GAB2: variants seen among roughly 807,000 people sequenced by gnomAD.
The protein encoded by GAB2 is GRB2 associated binding protein 2, also known as GRB2-associated-binding protein 2.
GAB2 carries 26 observed loss-of-function variants against 65.5 expected under a neutral mutation model. The observed-to-expected ratio is 0.40, with a 90% CI of 0.29 to 0.55. GAB2 has a LOEUF of 0.55. GAB2 is among the 20% of genes least tolerant of loss of function. GAB2 has a pLI of 0.53. For missense variants in GAB2, 884 were observed against 875.8 expected (o/e 1.01, Z -0.12); for synonymous variants, 321 against 329.6 (o/e 0.97, Z 0.28).
intron 1 of GAB2, among the ~76,000 whole-genome samples, chr11:78,388,834 G>A (rs898708579): frequency 3.9e-5 from 6 of 152,194 alleles, no homozygotes; most frequent in African/African-American, 1.4e-4. Flanking sequence ...GAAAGAGACT[G>A]AGAACTAGAG....
At chr11:78,406,968 T>C (rs1591093542) in intron 1 of GAB2, among the ~76,000 whole-genome samples, 1 of 152,020 alleles carries the variant, frequency 6.6e-6, no homozygotes, top group Non-Finnish European at 1.5e-5. Flanking sequence ...AGTTCATCAG[T>C]GAGTTCAATG....
At chr11:78,295,648 T>C (rs926442072) in intron 1 of GAB2, among the ~76,000 whole-genome samples, 2 of 152,134 alleles carry the variant, frequency 1.3e-5, no homozygotes, top group Non-Finnish European at 2.9e-5. Flanking sequence ...GCACAGTTCA[T>C]GTAGGTGTTC....
At chr11:78,271,362 T>C (rs1183867865) in intron 2 of GAB2, among the ~76,000 whole-genome samples, 8 of 152,242 alleles carry the variant, frequency 5.3e-5, no homozygotes, top group Admixed American at 3.9e-4. Context: ...AAATCCCACA[T>C]ATATGATATA....
chr11:78,291,555 CTT>C (rs796161663), intron 1 of GAB2, among the ~76,000 whole-genome samples: 1 of 55,046 alleles, frequency 1.8e-5, no homozygotes, highest in Non-Finnish European at 3.5e-5. Flanking sequence ...TTACTTTTTT[CTT>C]TTTCTTTTTT....
chr11:78,372,502 C>T (rs1454703856), intron 1 of GAB2, among the ~76,000 whole-genome samples: 1 of 152,272 alleles, frequency 6.6e-6, no homozygotes, highest in African/African-American at 2.4e-5. Context: ...ACTTATCTTT[C>T]AGGAAAAACC....
At chr11:78,316,441 A>G (rs2134653469) in intron 1 of GAB2, among the ~76,000 whole-genome samples, 1 of 152,328 alleles carries the variant, frequency 6.6e-6, no homozygotes, top group Admixed American at 6.5e-5. Flanking sequence ...AAAGAACTAC[A>G]ATAACAACAA....
intron 2 of GAB2, among the ~76,000 whole-genome samples, chr11:78,272,516 C>G (rs1160414417): frequency 6.6e-6 from 1 of 152,110 alleles, no homozygotes; most frequent in East Asian, 1.9e-4. Context: ...AGAGATGATT[C>G]AGGGCATCTG....
intron 1 of GAB2, among the ~76,000 whole-genome samples, chr11:78,339,053 A>C (rs118048230): frequency 0.013 from 2,038 of 152,078 alleles, 16 homozygotes; most frequent in Non-Finnish European, 0.022. Context: ...CTCCCGAGTA[A>C]CTGGGATTAT....
rs536585807 is a variant in GAB2, at chr11:78,228,285, CT to C, written c.621-1235del. On this transcript the variant is annotated intron_variant, in intron 3 of 9. Coordinates refer to ENST00000361507, the MANE Select transcript of GAB2 (RefSeq NM_080491.3). ...GTTCTGAGCAAGCAGGGATTTAGGT[CT>C]GCTTCTTTAGCTTGTGTATGATTCT... is the stretch of plus-strand genomic sequence containing the variant. 9.2e-5 allele frequency among the ~76,000 whole-genome samples: 14 copies of C among 152,332 alleles called. No homozygotes were observed. The South Asian group carries it at 2.5e-3, about 27-fold the overall frequency.
At chr11:78,360,117 G>A (rs1469810328) in intron 1 of GAB2, among the ~76,000 whole-genome samples, 1 of 152,110 alleles carries the variant, frequency 6.6e-6, no homozygotes, top group Non-Finnish European at 1.5e-5. Flanking sequence ...AACATCTGGA[G>A]CCACCGGAAG....
chr11:78,223,040 C>T (rs74435504), intron 6 of GAB2, among the ~76,000 whole-genome samples: 1 of 152,322 alleles, frequency 6.6e-6, no homozygotes, highest in East Asian at 1.9e-4. Flanking sequence ...CCCTGTTGGC[C>T]AGACCCACAG....
At chr11:78,299,967 T>C (rs1167891591) in intron 1 of GAB2, among the ~76,000 whole-genome samples, 4 of 152,182 alleles carry the variant, frequency 2.6e-5, no homozygotes, top group Admixed American at 6.5e-5. Flanking sequence ...ATTACATAGA[T>C]ATAATTTAGA....
At chr11:78,372,094 G>A (rs1856579193) in intron 1 of GAB2, among the ~76,000 whole-genome samples, 1 of 152,204 alleles carries the variant, frequency 6.6e-6, no homozygotes, top group Admixed American at 6.5e-5. Flanking sequence ...AGAGATTACT[G>A]CTATGAGTAA....
chr11:78,265,987 G>A (rs1865864033), intron 2 of GAB2, among the ~76,000 whole-genome samples: 1 of 152,038 alleles, frequency 6.6e-6, no homozygotes, highest in African/African-American at 2.4e-5. Context: ...GGCTGAGGCA[G>A]GTGGATAACC....
At chr11:78,294,132 T>C (rs1302695836) in intron 1 of GAB2, among the ~76,000 whole-genome samples, 2 of 152,176 alleles carry the variant, frequency 1.3e-5, no homozygotes. Flanking sequence ...TGTGTTCTCA[T>C]TGTTCAATTC....
intron 3 of GAB2, among the ~76,000 whole-genome samples, chr11:78,248,048 A>C (rs1217883566): frequency 6.6e-6 from 1 of 152,154 alleles, no homozygotes; most frequent in Admixed American, 6.5e-5. Flanking sequence ...GATTTGTTCA[A>C]ATTATTATGC....
intron 1 of GAB2, among the ~76,000 whole-genome samples, chr11:78,333,458 G>T (rs1855948884): frequency 6.6e-6 from 1 of 151,986 alleles, no homozygotes; most frequent in Non-Finnish European, 1.5e-5. Context: ...TAGAGGTGGG[G>T]GGTCTCACTA....
At chr11:78,407,223 A>C (rs1219556215) in intron 1 of GAB2, among the ~76,000 whole-genome samples, 1 of 152,182 alleles carries the variant, frequency 6.6e-6, no homozygotes, top group East Asian at 1.9e-4. Flanking sequence ...GTAGTAAGAA[A>C]GATTCAGTAG....
intron 1 of GAB2, among the ~76,000 whole-genome samples, chr11:78,318,974 A>G (rs1046796847): frequency 3.9e-5 from 6 of 152,150 alleles, no homozygotes; most frequent in Non-Finnish European, 7.3e-5. Context: ...GCATTATCCC[A>G]GCAACCTCAT....
Sources: gnomAD v4.1 joint callset for allele counts (sites outside exome capture counted in the v4.1 genomes callset) on GRCh38, gnomAD v4.1.1 for gene constraint, MANE v1.5 for transcripts, NCBI Gene and HGNC (gene_info 2026-07-23, HGNC 2026-07-21) for gene names.